The following EBF1 variants were observed in gnomAD, a reference collection of about 807,000 sequenced individuals.
The protein encoded by EBF1 is EBF transcription factor 1.
Under a neutral mutation model 68.4 loss-of-function variants are expected in EBF1, and 10 were observed. The ratio of observed to expected loss-of-function variants is 0.15; its 90% confidence interval spans 0.09 to 0.25. EBF1 has a LOEUF of 0.25. Ranked by LOEUF, EBF1 falls within the 10% of genes least tolerant of loss-of-function variation. EBF1 has a pLI of 1.00. For missense variants in EBF1, 509 were observed against 794.4 expected, an observed-to-expected ratio of 0.64 and a Z score of 4.32; for synonymous variants, 298 against 299.8, an observed-to-expected ratio of 0.99 and a Z score of 0.06.
At chr5:158,913,751 T>C (rs1271774334) in intron 6 of EBF1, among the ~76,000 whole-genome samples, 2 of 152,122 alleles carry the variant, frequency 1.3e-5, no homozygotes, top group Non-Finnish European at 2.9e-5. Flanking sequence ...AGAATTCGAG[T>C]TCGTGGAGGC....
intron 6 of EBF1, among the ~76,000 whole-genome samples, chr5:158,909,880 C>T (rs967160170): frequency 4.7e-4 from 65 of 138,312 alleles, no homozygotes; most frequent in African/African-American, 1.5e-3. Flanking sequence ...GAGGTTGAAC[C>T]AGGGAAGCAG....
intron 4 of EBF1, among the ~76,000 whole-genome samples, chr5:159,094,096 T>C (rs1010039574): frequency 2.7e-5 from 4 of 147,392 alleles, no homozygotes; most frequent in Admixed American, 6.7e-5. Context: ...CTTAAGACAT[T>C]TTTATTTTGA....
intron 6 of EBF1, among the ~76,000 whole-genome samples, chr5:159,063,563 A>G (rs1403007421): frequency 1.3e-5 from 2 of 152,226 alleles, no homozygotes; most frequent in East Asian, 1.9e-4. Flanking sequence ...AGAAAGCTGC[A>G]TGAAGCCAGG....
chr5:158,807,766 C>T (rs1017588230), intron 8 of EBF1, among the ~76,000 whole-genome samples: 14 of 152,146 alleles, frequency 9.2e-5, no homozygotes, highest in African/African-American at 3.4e-4. Context: ...CCTTTCTTTG[C>T]TATGCAGAAG....
At chr5:158,806,876 G>A (rs549939838) in intron 8 of EBF1, among the ~76,000 whole-genome samples, 1 of 152,112 alleles carries the variant, frequency 6.6e-6, no homozygotes, top group Non-Finnish European at 1.5e-5. Context: ...ACAGCTGACT[G>A]GATGTTTGAT....
intron 10 of EBF1, among the ~76,000 whole-genome samples, chr5:158,748,864 G>T (rs923349782): frequency 6.6e-6 from 1 of 152,162 alleles, no homozygotes; most frequent in Non-Finnish European, 1.5e-5. Flanking sequence ...TGTAAATAGA[G>T]CCTGGCAGAT....
At chr5:158,974,559 A>G (rs377726082) in intron 6 of EBF1, among the ~76,000 whole-genome samples, 84 of 152,314 alleles carry the variant, frequency 5.5e-4, no homozygotes, top group African/African-American at 1.9e-3. Flanking sequence ...GAATACACAC[A>G]CACATTATCT....
intron 8 of EBF1, among the ~76,000 whole-genome samples, chr5:158,816,761 C>T (rs10043333): frequency 7.9e-5 from 12 of 151,606 alleles, no homozygotes; most frequent in Admixed American, 2.0e-4. Flanking sequence ...AAGCCACTTA[C>T]GAAAAACTAA....
chr5:158,718,531 T>C (rs531939192), intron 11 of EBF1, among the ~76,000 whole-genome samples: 3 of 152,260 alleles, frequency 2.0e-5, no homozygotes, highest in South Asian at 2.1e-4. Context: ...ATCACTCTCA[T>C]TTATTGAAAG....
intron 11 of EBF1, among the ~76,000 whole-genome samples, chr5:158,725,425 T>G (rs886853675): frequency 4.6e-5 from 7 of 152,200 alleles, no homozygotes; most frequent in Admixed American, 2.6e-4. Context: ...AACAACAACT[T>G]TTTGCTCCTT....
At chr5:159,025,208 G>GGTAT (rs1767459278) in intron 6 of EBF1, among the ~76,000 whole-genome samples, 1 of 152,124 alleles carries the variant, frequency 6.6e-6, no homozygotes, top group Admixed American at 6.5e-5. Flanking sequence ...TTGGTGTGGT[G>GGTAT]GTTTATAACT....
chr5:158,821,953 C>T lies in EBF1; in HGVS notation c.778+1223G>A, dbSNP rs9313790. Among the ~76,000 whole-genome samples the T allele has an allele frequency of 8.2e-3, 1,253 of 152,220 alleles. 24 individuals carry two copies. The highest frequency in any genetic ancestry group is 0.029 in the African/African-American group (1,189 of 41,524). ...TGGCTAATTAATAAAAAGTACAGTTCGTGTGTTCCATAAGCACAGGGGAAA... is the reference window on the plus strand; with the variant it reads ...TGGCTAATTAATAAAAAGTACAGTTTGTGTGTTCCATAAGCACAGGGGAAA... On this transcript the variant is annotated intron_variant, in intron 8 of 15. Transcript: ENST00000313708.
In EBF1 at chr5:159,006,647, T is replaced by TA. The variant is rs36045942; in HGVS notation, c.554+66748dup. Among the ~76,000 whole-genome samples, 380 of 56,194 alleles carry TA rather than the reference T, an allele frequency of 6.8e-3. 82 individuals carry two copies. The highest frequency in any genetic ancestry group is 0.031 in the Middle Eastern group (2 of 64). 36.9% of individuals were successfully genotyped at this position (56,194 alleles called of 152,430 possible). A position where few individuals can be genotyped will look rare whatever the true frequency, so the allele number is the denominator to read the frequency against. On this transcript the variant is annotated intron_variant, in intron 6 of 15. Coordinates refer to ENST00000313708, the MANE Select transcript of EBF1 (RefSeq NM_024007.5). ...CTCATATAACCAATCATAGCCATGT[T>TA]AAAAAAAAAAAAAAAAAAAAAAAAA...
chr5:158,879,139 T>A (rs1798352823), intron 6 of EBF1, among the ~76,000 whole-genome samples: 1 of 152,188 alleles, frequency 6.6e-6, no homozygotes, highest in Non-Finnish European at 1.5e-5. Flanking sequence ...CTATGCCCCA[T>A]CTGTTTTCTG....
At position 158,775,204 on chromosome 5, in the gene EBF1, T is replaced by C. The variant is rs546416204; in HGVS notation, c.1036+2209A>G. ...TCTAAGATGTGATTTCTTAAACTGA[T>C]GGCAATTTTTTTTTTTAGTGTTTAA... On this transcript the variant is annotated intron_variant, in intron 10 of 15. Transcript: ENST00000313708. 7.9e-5 allele frequency among the ~76,000 whole-genome samples: 12 copies of C among 152,180 alleles called. No individual in the cohort carries two copies. In the South Asian group the frequency reaches 2.3e-3, roughly 29 times the overall value.
intron 6 of EBF1, among the ~76,000 whole-genome samples, chr5:158,979,721 T>A (rs1757524447): frequency 6.6e-6 from 1 of 152,218 alleles, no homozygotes; most frequent in Non-Finnish European, 1.5e-5. Context: ...ATTCAACTTT[T>A]TTTTTCTTTT....
At chr5:158,999,196 A>T (rs567147693) in intron 6 of EBF1, among the ~76,000 whole-genome samples, 1 of 152,354 alleles carries the variant, frequency 6.6e-6, no homozygotes, top group African/African-American at 2.4e-5. Flanking sequence ...AACACTGGCA[A>T]TTCCTAAGAG....
chr5:158,847,521 C>T (rs1442951536), intron 6 of EBF1, among the ~76,000 whole-genome samples: 2 of 152,182 alleles, frequency 1.3e-5, no homozygotes, highest in Non-Finnish European at 2.9e-5. Context: ...ACTCCCCTAG[C>T]AATGTCTGAC....
At chr5:158,968,700 A>G (rs1754686749) in intron 6 of EBF1, among the ~76,000 whole-genome samples, 1 of 152,250 alleles carries the variant, frequency 6.6e-6, no homozygotes, top group Non-Finnish European at 1.5e-5. Context: ...GTAAACATCA[A>G]AGGACTTATG....
Sources: gnomAD v4.1 joint callset for allele counts (sites outside exome capture counted in the v4.1 genomes callset) on GRCh38, gnomAD v4.1.1 for gene constraint, MANE v1.5 for transcripts, NCBI Gene and HGNC (gene_info 2026-07-23, HGNC 2026-07-21) for gene names.